ABL2: variants seen among roughly 807,000 people sequenced by gnomAD.
ABL2 encodes ABL proto-oncogene 2, non-receptor tyrosine kinase.
In ABL2, 49 loss-of-function variants were observed where a neutral mutation model predicts 107.7. The observed-to-expected ratio is 0.45, with a 90% CI of 0.36 to 0.58. The LOEUF is 0.58. ABL2 is among the 20% of genes least tolerant of loss of function. The pLI, the probability that ABL2 is intolerant of heterozygous loss-of-function variation, is 0.00. For missense variants in ABL2, 1,245 were observed against 1,457.0 expected (o/e 0.85, Z 2.37); for synonymous variants, 549 against 548.6 (o/e 1.00, Z -0.01).
At chr1:179,184,043 C>T in intron 1 of ABL2, 1 of 266,330 alleles carries the variant, frequency 3.8e-6, no homozygotes, top group Non-Finnish European at 7.4e-6. Context: ...ATTCTGAAAG[C>T]AGAACAGAAA....
chr1:179,179,686 G>A (rs1466600169), intron 1 of ABL2, among the ~76,000 whole-genome samples: 1 of 152,252 alleles, frequency 6.6e-6, no homozygotes, highest in African/African-American at 2.4e-5. Context: ...AAGCCCTCTT[G>A]AAAGAGGACT....
chr1:179,112,406 A>T lies in ABL2; in HGVS notation c.1562-8T>A, dbSNP rs780886477. 1 of 1,610,244 alleles carries T rather than the reference A, an allele frequency of 6.2e-7. No individual in the cohort carries two copies. The highest frequency in any genetic ancestry group is 1.7e-5 in the Admixed American group (1 of 59,688). On this transcript the variant is annotated splice_polypyrimidine_tract_variant and splice_region_variant and intron_variant, in intron 9 of 11. Coordinates refer to ENST00000502732, the MANE Select transcript of ABL2 (RefSeq NM_007314.4). ...CAGGGCTCCACTTCCAGCCTATGTA[A>T]CAGAAGAAAAAATATTAAAAACTCC...
At chr1:179,176,331 AAG>A (rs1291812845) in intron 1 of ABL2, among the ~76,000 whole-genome samples, 2 of 152,186 alleles carry the variant, frequency 1.3e-5, no homozygotes, top group African/African-American at 4.8e-5. Context: ...AAATAACTAA[AAG>A]AGTATAACTG....
intron 1 of ABL2, chr1:179,184,572 TGAG>T (rs965989685): frequency 2.8e-3 from 1,509 of 537,542 alleles, no homozygotes; most frequent in South Asian, 3.6e-3. Flanking sequence ...GAGGAGAAGA[TGAG>T]GAGGAGGAGG....
At chr1:179,182,709 A>G (rs1035281202) in intron 1 of ABL2, among the ~76,000 whole-genome samples, 6 of 152,144 alleles carry the variant, frequency 3.9e-5, no homozygotes, top group Non-Finnish European at 8.8e-5. Flanking sequence ...CTTAATTGCT[A>G]GCTTTATGGT....
chr1:179,229,548 CCTCCT>C lies in ABL2; in HGVS notation c.-156_-152del. On this transcript the variant is annotated 5_prime_UTR_variant, in exon 1 of 12. Transcript: ENST00000502732. ...GGGCCACCGGCGGCTCCGCACCCGG[CCTCCT>C]CACGGCAGCCGCCGCGCTGCCTCCA... The C allele has an allele frequency of 1.3e-6, 1 of 743,486 alleles. No individual in the cohort carries two copies. Among genetic ancestry groups the C allele is most frequent in the Non-Finnish European group, 2.0e-6 (1 of 510,990 alleles). 46.1% of individuals were successfully genotyped at this position (743,486 alleles called of 1,614,324 possible).
chr1:179,151,941 G>A (rs1230341959), intron 1 of ABL2, among the ~76,000 whole-genome samples: 3 of 152,200 alleles, frequency 2.0e-5, no homozygotes, highest in East Asian at 3.8e-4. Context: ...TCCTGGTAGA[G>A]TAGGAGCCTT....
At chr1:179,197,598 G>A (rs1334092951) in intron 1 of ABL2, among the ~76,000 whole-genome samples, 1 of 151,680 alleles carries the variant, frequency 6.6e-6, no homozygotes, top group African/African-American at 2.4e-5. Context: ...GCCGGGTGAG[G>A]TGGCTCACGC....
intron 1 of ABL2, among the ~76,000 whole-genome samples, chr1:179,180,525 C>A (rs1442604269): frequency 2.0e-5 from 3 of 152,112 alleles, no homozygotes; most frequent in Non-Finnish European, 4.4e-5. Context: ...TATCATCAGA[C>A]TTCACTAGTG....
rs763305311 is a variant in ABL2 at position 179,110,855 on chromosome 1, C to G, written c.1652-400G>C. ...GCACAATGTAGGAGAACTGGTGGATCACAGGGTATACGTGTATTCAGGTTT... is the reference window on the plus strand; with the variant it reads ...GCACAATGTAGGAGAACTGGTGGATGACAGGGTATACGTGTATTCAGGTTT... On this transcript the variant is annotated intron_variant, in intron 10 of 11. Coordinates refer to ENST00000502732, the MANE Select transcript of ABL2 (RefSeq NM_007314.4). 3.1e-6 allele frequency: 5 copies of G among 1,613,938 alleles called. No homozygotes were observed. The East Asian group carries it at 1.1e-4, about 36-fold the overall frequency.
chr1:179,196,153 T>C (rs900971690), intron 1 of ABL2, among the ~76,000 whole-genome samples: 4 of 152,224 alleles, frequency 2.6e-5, no homozygotes, highest in South Asian at 2.1e-4. Flanking sequence ...TCGCTAAGCA[T>C]ATCAGTCTCA....
At chr1:179,226,401 C>T (rs1184903468) in intron 1 of ABL2, among the ~76,000 whole-genome samples, 3 of 150,968 alleles carry the variant, frequency 2.0e-5, no homozygotes, top group African/African-American at 4.9e-5. Context: ...CTCCACCTCC[C>T]GGGTTCAAGC....
chr1:179,155,265 G>A lies in ABL2; in HGVS notation c.158-21891C>T, dbSNP rs374144422. 3.8e-4 allele frequency among the ~76,000 whole-genome samples: 58 copies of A among 152,306 alleles called. No homozygotes were observed. The East Asian group carries it at 0.011, about 28-fold the overall frequency. On this transcript the variant is annotated intron_variant, in intron 1 of 11. Coordinates refer to ENST00000502732, the MANE Select transcript of ABL2 (RefSeq NM_007314.4). ...TGATTCATCTGCCTATACACGTGATGATATTTAAGAGTTAAACCTAACAGA... is the reference window on the plus strand; with the variant it reads ...TGATTCATCTGCCTATACACGTGATAATATTTAAGAGTTAAACCTAACAGA...
chr1:179,163,129 T>C (rs947443906), intron 1 of ABL2, among the ~76,000 whole-genome samples: 2 of 152,090 alleles, frequency 1.3e-5, no homozygotes, highest in East Asian at 3.8e-4. Context: ...AATAAGCACA[T>C]GAAAAGATGT....
chr1:179,193,275 AT>A (rs1661120838), intron 1 of ABL2, among the ~76,000 whole-genome samples: 1 of 152,212 alleles, frequency 6.6e-6, no homozygotes, highest in South Asian at 2.1e-4. Context: ...ATCACACAAA[AT>A]TTCTAAACTT....
At chr1:179,115,539 C>A (rs1654536752) in intron 8 of ABL2, among the ~76,000 whole-genome samples, 3 of 152,196 alleles carry the variant, frequency 2.0e-5, no homozygotes, top group South Asian at 2.1e-4. Flanking sequence ...CCGCCTCGCA[C>A]ATAAATCATC....
chr1:179,201,273 T>C (rs556622695), intron 1 of ABL2, among the ~76,000 whole-genome samples: 1 of 152,354 alleles, frequency 6.6e-6, no homozygotes, highest in African/African-American at 2.4e-5. Context: ...TCTGTGTTTT[T>C]CTATTCAAAA....
At chr1:179,224,560 C>A (rs994032580) in intron 1 of ABL2, among the ~76,000 whole-genome samples, 1 of 151,976 alleles carries the variant, frequency 6.6e-6, no homozygotes, top group Non-Finnish European at 1.5e-5. Context: ...TGAGCCACCA[C>A]GCCCAGCCTA....
chr1:179,222,271 T>A (rs1032648586), intron 1 of ABL2: 2 of 152,542 alleles, frequency 1.3e-5, no homozygotes, highest in African/African-American at 4.8e-5. Flanking sequence ...GCCCTGTCCC[T>A]CAGGCTGGAG....
Sources: gnomAD v4.1 joint callset for allele counts (sites outside exome capture counted in the v4.1 genomes callset) on GRCh38, gnomAD v4.1.1 for gene constraint, MANE v1.5 for transcripts, NCBI Gene and HGNC (gene_info 2026-07-23, HGNC 2026-07-21) for gene names.